Variants in SRP68 observed in about 807,000 individuals in gnomAD.
SRP68 encodes the protein signal recognition particle 68, also known as signal recognition particle subunit SRP68.
SRP68 carries 15 observed loss-of-function variants against 82.2 expected under a neutral mutation model. That is an observed-to-expected ratio of 0.18 (90% CI 0.12 to 0.28). The LOEUF (loss-of-function observed/expected upper bound fraction) is 0.28, where lower values mean the gene tolerates loss of function less well. SRP68 is among the 10% of genes least tolerant of loss of function. The pLI is 1.00. For missense variants in SRP68, 595 were observed against 780.5 expected (o/e 0.76, Z 2.83); for synonymous variants, 261 against 292.6 (o/e 0.89, Z 1.10).
Position 76,072,210 on chromosome 17 carries a change from T to G in SRP68, c.184+98A>C. 1 of 1,581,762 alleles carries G rather than the reference T, an allele frequency of 6.3e-7. No homozygotes were observed. The highest frequency in any genetic ancestry group is 2.3e-5 in the East Asian group (1 of 42,972). ...GAGAGAAACTGCAACCCTCGGCCTC[T>G]CCTGCCAGGACTTGTCGGGACCCGC... On this transcript the variant is annotated intron_variant, in intron 1 of 15. Transcript: ENST00000307877. This position sits in a 1 kb window ranked among gnomAD's most constrained non-coding sequence, Gnocchi z 4.5.
At chr17:76,066,563 A>G (rs2066808162) in intron 3 of SRP68, among the ~76,000 whole-genome samples, 1 of 151,474 alleles carries the variant, frequency 6.6e-6, no homozygotes, top group Non-Finnish European at 1.5e-5. Context: ...CTAATAATCA[A>G]TTAGATTCTA....
chr17:76,039,627 A>C lies in SRP68; in HGVS notation c.*79T>G. The C allele has an allele frequency of 1.4e-6, 2 of 1,408,520 alleles. No homozygotes were observed. Among genetic ancestry groups the C allele is most frequent in the Non-Finnish European group, 2.0e-6 (2 of 1,018,324 alleles). The allele number at this position is 1,408,520 out of a possible 1,614,324, so 87.3% of individuals were successfully genotyped here. Reference sequence around the variant, plus strand: ...CCGGGCCAATGCAGACCTGGATTTAATATCATGGAACTTGCTGGGATTTTC... The same window carrying C: ...CCGGGCCAATGCAGACCTGGATTTACTATCATGGAACTTGCTGGGATTTTC... On this transcript the variant is annotated 3_prime_UTR_variant, in exon 16 of 16. Coordinates refer to ENST00000307877, the MANE Select transcript of SRP68 (RefSeq NM_014230.4).
At chr17:76,040,783 C>T in intron 14 of SRP68, 120 bp downstream of exon 14, 1 of 968,746 alleles carries the variant, frequency 1.0e-6, no homozygotes, top group Admixed American at 2.0e-5. Flanking sequence ...AGGCCAGGAA[C>T]ATCTTACAGA....
In SRP68 at chr17:76,066,731, C is replaced by T. The variant is rs566302937; in HGVS notation, c.365+486G>A. Reference sequence around the variant, plus strand: ...CTGAGACAGTGAATCTCACCCCCTCCTTTTTTTTTTTTTGAGATGGAGTGT... The same window carrying T: ...CTGAGACAGTGAATCTCACCCCCTCTTTTTTTTTTTTTTGAGATGGAGTGT... On this transcript the variant is annotated intron_variant, in intron 3 of 15. Transcript: ENST00000307877. Among the ~76,000 whole-genome samples the T allele has an allele frequency of 3.1e-3, 442 of 140,898 alleles. 1 individual carries two copies. Among genetic ancestry groups the T allele is most frequent in the Middle Eastern group, 0.011 (3 of 276 alleles). 92.4% of individuals were successfully genotyped at this position (140,898 alleles called of 152,430 possible).
chr17:76,053,708 C>A, intron 8 of SRP68: 2 of 914,824 alleles, frequency 2.2e-6, no homozygotes, highest in Non-Finnish European at 2.6e-6. Flanking sequence ...GACGCCCACA[C>A]TGCAATGACT....
chr17:76,055,080 C>A (rs1010486325), intron 8 of SRP68, among the ~76,000 whole-genome samples: 4 of 151,574 alleles, frequency 2.6e-5, no homozygotes, highest in Non-Finnish European at 5.9e-5. Flanking sequence ...CCTCAGCCTC[C>A]CGAGTAGCTG....
At chr17:76,053,581 C>T (rs2066691501) in intron 8 of SRP68, 1 of 985,404 alleles carries the variant, frequency 1.0e-6, no homozygotes. Context: ...AAAAAACCTC[C>T]CCACTGCTCC....
rs889759848 is a variant in SRP68, at chr17:76,072,151, C to CA, written c.184+156_184+157insT. The CA allele has an allele frequency of 6.4e-6, 9 of 1,408,458 alleles. No homozygotes were observed. Among genetic ancestry groups the CA allele is most frequent in the Middle Eastern group, 2.3e-4 (1 of 4,416 alleles). 87.2% of individuals were successfully genotyped at this position (1,408,458 alleles called of 1,614,324 possible). On this transcript the variant is annotated intron_variant, in intron 1 of 15. Coordinates refer to ENST00000307877, the MANE Select transcript of SRP68 (RefSeq NM_014230.4). The surrounding 1 kb of genome is among the most constrained non-coding windows in gnomAD (Gnocchi z 4.5). ...GGAAAGACTAGTCGAGAGACAGACC[C>CA]CCCCCGGAATTCTGAGCACCAAAAG...
At chr17:76,053,588 C>T in intron 8 of SRP68, 1 of 985,408 alleles carries the variant, frequency 1.0e-6, no homozygotes, top group Non-Finnish European at 1.2e-6. Flanking sequence ...CTCCCCACTG[C>T]TCCCACAAAG....
Position 76,043,906 on chromosome 17 carries a change from G to T in SRP68, c.1447C>A (p.Leu483Ile). 6.2e-7 allele frequency: 1 copy of T among 1,611,360 alleles called. No homozygotes were observed. Among genetic ancestry groups the T allele is most frequent in the South Asian group, 1.1e-5 (1 of 90,586 alleles). Residue 483 changes from leucine to isoleucine, a missense_variant, in exon 13 of 16, where the codon CTT becomes ATT. Transcript: ENST00000307877. ...YVLVKKWSEA[L>I]VLYDRVLKYA... is the part of the protein sequence containing the mutation. ...TTCAGGACTCTGTCATACAGGACAA[G>T]GGCTTCGCTCCACTTCTTCACCAGC...
chr17:76,061,059 G>T, intron 6 of SRP68, 51 bp downstream of exon 6: 1 of 1,096,560 alleles, frequency 9.1e-7, no homozygotes, highest in Non-Finnish European at 1.4e-6. Context: ...CTCCCAATAG[G>T]CCATCTATCA....
chr17:76,055,389 C>T lies in SRP68; in HGVS notation c.978+2014G>A, dbSNP rs571549413. Reference sequence around the variant, plus strand: ...GACTCTGGTGCACCTGTCACCCAAGCAGTGTACACGGTACCCAATGTGTAG... The same window carrying T: ...GACTCTGGTGCACCTGTCACCCAAGTAGTGTACACGGTACCCAATGTGTAG... On this transcript the variant is annotated intron_variant, in intron 8 of 15. Transcript: ENST00000307877. Among the ~76,000 whole-genome samples, 10 of 152,258 alleles carry T rather than the reference C, an allele frequency of 6.6e-5. 1 individual carries two copies. In the South Asian group the frequency reaches 1.5e-3, roughly 22 times the overall value.
rs2066643683 is a variant in SRP68, at chr17:76,047,940, G to A, written c.1108C>T (p.Pro370Ser). Residue 370 changes from proline (P) to serine (S), a missense_variant, in exon 10 of 16, where the codon CCA (proline) becomes TCA (serine). Pro to Ser is a moderately conservative substitution (Grantham distance 74, BLOSUM62 -1). Coordinates refer to ENST00000307877, the MANE Select transcript of SRP68 (RefSeq NM_014230.4). The part of the protein sequence containing the change: ...KQRDYILEGE[P>S]GKVSNLQYLH... ...TATTGAAGATTAGACACCTTCCCTG[G>A]CTCTCCTTCAAGGATATAATCTCTC... is the stretch of plus-strand genomic sequence containing the variant. 6.3e-7 allele frequency: 1 copy of A among 1,576,404 alleles called. No individual in the cohort carries two copies. Among genetic ancestry groups the A allele is most frequent in the Admixed American group, 1.7e-5 (1 of 58,110 alleles).
In SRP68 at chr17:76,039,469, G is replaced by C. The variant is rs2066572551; in HGVS notation, c.*237C>G. The C allele has an allele frequency of 3.1e-6, 2 of 650,756 alleles. No homozygotes were observed. The highest frequency in any genetic ancestry group is 5.6e-6 in the Non-Finnish European group (2 of 355,192). 40.3% of individuals were successfully genotyped at this position (650,756 alleles called of 1,614,324 possible). A position where few individuals can be genotyped will look rare whatever the true frequency, so the allele number is the denominator to read the frequency against. ...CCAGACAGCAGCGGCCCCTTTCCCA[G>C]GAGGTACAGGAGACAGGATGACCCT... On this transcript the variant is annotated 3_prime_UTR_variant, in exon 16 of 16. Transcript: ENST00000307877.
At chr17:76,061,035 C>G in intron 6 of SRP68, 75 bp downstream of exon 6, 1 of 896,242 alleles carries the variant, frequency 1.1e-6, no homozygotes. Context: ...ACTCTCTAGG[C>G]TCTCTGAAGT....
chr17:76,047,508 G>A (rs934541045), intron 10 of SRP68, among the ~76,000 whole-genome samples: 34 of 152,180 alleles, frequency 2.2e-4, no homozygotes, highest in African/African-American at 8.2e-4. Context: ...TGTAAGCCAG[G>A]TGCAGTGGTT....
intron 2 of SRP68, among the ~76,000 whole-genome samples, chr17:76,069,759 T>G: frequency 6.9e-6 from 1 of 144,326 alleles, no homozygotes; most frequent in Admixed American, 7.2e-5. Context: ...GCTACCAGGG[T>G]ATAGATTATT....
At position 76,056,482 on chromosome 17, in the gene SRP68, T is replaced by C. The variant is rs896582639; in HGVS notation, c.978+921A>G. On this transcript the variant is annotated intron_variant, in intron 8 of 15. Coordinates refer to ENST00000307877, the MANE Select transcript of SRP68 (RefSeq NM_014230.4). ...TAAGCAAAAATTAACTTTCTAGTAC[T>C]GTTCTAGTCTTCTGTCCTTTAAGCA... 4.6e-5 allele frequency among the ~76,000 whole-genome samples: 7 copies of C among 152,386 alleles called. No individual in the cohort carries two copies. The South Asian group carries it at 1.4e-3, about 32-fold the overall frequency.
At chr17:76,043,589 G>C (rs1287844168) in intron 13 of SRP68, 1 of 280,036 alleles carries the variant, frequency 3.6e-6, no homozygotes, top group African/African-American at 2.2e-5. Context: ...GGTGGTTTTT[G>C]TTTCTTTTAA....
Sources: gnomAD v4.1 joint callset for allele counts (sites outside exome capture counted in the v4.1 genomes callset) on GRCh38, gnomAD v4.1.1 for gene constraint, Gnocchi (gnomAD v3.1) non-coding constraint, MANE v1.5 for transcripts, NCBI Gene and HGNC (gene_info 2026-07-23, HGNC 2026-07-21) for gene names.